Variants in PIBF1 observed in about 807,000 individuals in gnomAD.
The protein encoded by PIBF1 is progesterone-induced-blocking factor 1.
Under a neutral mutation model 112.5 loss-of-function variants are expected in PIBF1, and 90 were observed. The ratio of observed to expected loss-of-function variants is 0.80; its 90% CI spans 0.67 to 0.95. PIBF1 has a LOEUF of 0.95. Among genes scored for constraint, PIBF1 ranks in the 40% least tolerant of loss-of-function variants. The pLI is 0.00. For missense variants in PIBF1, 915 were observed against 852.3 expected (o/e 1.07, Z -0.92); for synonymous variants, 301 against 288.6 (o/e 1.04, Z -0.44).
chr13:72,941,720 G>A (rs1009542630), intron 14 of PIBF1, among the ~76,000 whole-genome samples: 3 of 152,142 alleles, frequency 2.0e-5, no homozygotes, highest in African/African-American at 2.4e-5. Flanking sequence ...GCGTCAAGGT[G>A]CATAGGTAAA....
At chr13:72,813,923 C>A (rs1251261826) in intron 5 of PIBF1, among the ~76,000 whole-genome samples, 1 of 152,116 alleles carries the variant, frequency 6.6e-6, no homozygotes, top group Non-Finnish European at 1.5e-5. Flanking sequence ...GAACCCTGAG[C>A]AAGAGCAGAA....
intron 17 of PIBF1, among the ~76,000 whole-genome samples, chr13:73,014,060 C>A (rs1291555585): frequency 3.3e-5 from 5 of 151,192 alleles, no homozygotes; most frequent in Non-Finnish European, 7.4e-5. Context: ...CCTCCCCTCC[C>A]CTCCACTCCC....
chr13:72,827,894 T>C lies in PIBF1; in HGVS notation c.1077T>C (p.Tyr359=). 1 of 1,576,728 alleles carries C rather than the reference T, an allele frequency of 6.3e-7. No individual in the cohort carries two copies. The highest frequency in any genetic ancestry group is 8.6e-7 in the Non-Finnish European group (1 of 1,160,930). ...GCAAAAAGGCTAGAGAAGAGATGTATGAAAAATATGTAGCATCCAGGCAAG... is the reference window on the plus strand; with the variant it reads ...GCAAAAAGGCTAGAGAAGAGATGTACGAAAAATATGTAGCATCCAGGCAAG... The part of the protein sequence containing the change: ...EESKKAREEM[Y]EKYVASRDHY... Residue 359 remains tyrosine (Y), a synonymous_variant, in exon 8 of 18, where the codon TAT becomes TAC. Transcript: ENST00000326291.
chr13:72,808,505 G>C (rs973371766), intron 5 of PIBF1, among the ~76,000 whole-genome samples: 2 of 152,150 alleles, frequency 1.3e-5, no homozygotes, highest in African/African-American at 4.8e-5. Context: ...ACCTCTAAAC[G>C]GTGGTGATGT....
At chr13:72,969,682 A>G (rs935598880) in intron 15 of PIBF1, 14 of 152,188 alleles carry the variant, frequency 9.2e-5, no homozygotes, top group African/African-American at 3.4e-4. Context: ...CTCGAAGCAA[A>G]TGGCATTTCA....
At position 72,914,388 on chromosome 13, in the gene PIBF1, A is replaced by C. The variant is rs191817196; in HGVS notation, c.1640-2688A>C. ...AAACTCATATTAGAAAAAAAAAACA[A>C]CCTAGATTTCTAGTTGTTAAATTCA... On this transcript the variant is annotated intron_variant, in intron 12 of 17. Transcript: ENST00000326291. 7.6e-4 allele frequency among the ~76,000 whole-genome samples: 115 copies of C among 152,264 alleles called. 2 individuals are homozygous for C. Among genetic ancestry groups the C allele is most frequent in the African/African-American group, 2.5e-3 (105 of 41,568 alleles).
intron 6 of PIBF1, among the ~76,000 whole-genome samples, chr13:72,825,268 A>G (rs2036750037): frequency 6.6e-6 from 1 of 152,188 alleles, no homozygotes; most frequent in Non-Finnish European, 1.5e-5. Flanking sequence ...TATTAGGGCT[A>G]AGTCTCCTGA....
chr13:72,818,782 G>T (rs1202915570), intron 5 of PIBF1, among the ~76,000 whole-genome samples: 4 of 136,476 alleles, frequency 2.9e-5, no homozygotes, highest in Non-Finnish European at 4.5e-5. Context: ...TTTTCTAGCT[G>T]AGCACTACTG....
rs1204888974 is a variant in PIBF1 at position 72,847,176 on chromosome 13, A to AT, written c.1224-6875dup. Among the ~76,000 whole-genome samples the AT allele has an allele frequency of 6.6e-5, 10 of 152,142 alleles. No individual in the cohort carries two copies. The East Asian group carries it at 1.2e-3, about 18-fold the overall frequency. ...AAATATTTTGCATTTTGGTACTTCAATTTTTTATAATTTTTCAACCATAAT... is the reference window on the plus strand; with the variant it reads ...AAATATTTTGCATTTTGGTACTTCAATTTTTTTATAATTTTTCAACCATAAT... On this transcript the variant is annotated intron_variant, in intron 9 of 17. Transcript: ENST00000326291.
intron 5 of PIBF1, among the ~76,000 whole-genome samples, chr13:72,801,162 T>G (rs181723124): frequency 6.6e-6 from 1 of 152,288 alleles, no homozygotes; most frequent in African/African-American, 2.4e-5. Context: ...ATACAGACTT[T>G]GATTTTAACC....
Position 72,785,250 on chromosome 13 carries a change from C to T in PIBF1, c.252+1529C>T, listed in dbSNP as rs539038872. Among the ~76,000 whole-genome samples, 6 of 152,296 alleles carry T rather than the reference C, an allele frequency of 3.9e-5. No individual in the cohort carries two copies. The East Asian group carries it at 9.6e-4, about 24-fold the overall frequency. The stretch of plus-strand genomic sequence containing the variant: ...AACATAGCATCCTTATCTGTTTCAT[C>T]CCTTTCATTTTCTGTGCCTTTTATG... On this transcript the variant is annotated intron_variant, in intron 2 of 17. Coordinates refer to ENST00000326291, the MANE Select transcript of PIBF1 (RefSeq NM_006346.4).
intron 9 of PIBF1, among the ~76,000 whole-genome samples, chr13:72,850,176 A>G (rs757058027): frequency 2.0e-5 from 3 of 152,186 alleles, no homozygotes; most frequent in Non-Finnish European, 2.9e-5. Context: ...TTACACAGAA[A>G]TGTTACCCAC....
At chr13:72,821,178 G>A (rs1536134) in intron 5 of PIBF1, among the ~76,000 whole-genome samples, 109,752 of 152,014 alleles carry the variant, frequency 0.72, 39,873 homozygotes, top group South Asian at 0.8. Context: ...AAGTGTGAAT[G>A]TTAGGAATGG....
intron 12 of PIBF1, among the ~76,000 whole-genome samples, chr13:72,909,364 G>A (rs1258197385): frequency 6.6e-6 from 1 of 152,002 alleles, no homozygotes; most frequent in African/African-American, 2.4e-5. Context: ...AGAGTAGCAA[G>A]ATAAATGCTA....
chr13:72,906,631 C>T (rs11840371), intron 11 of PIBF1, among the ~76,000 whole-genome samples: 29,654 of 151,902 alleles, frequency 0.2, 3,033 homozygotes, highest in Middle Eastern at 0.26. Flanking sequence ...GGAGATAGCC[C>T]ACATCAGTAG....
At chr13:73,003,686 A>G (rs1409542866) in intron 17 of PIBF1, among the ~76,000 whole-genome samples, 2 of 152,132 alleles carry the variant, frequency 1.3e-5, no homozygotes. Flanking sequence ...AAACAATAAT[A>G]TAAGGCAAAA....
At chr13:72,955,332 C>T (rs1415843460) in intron 14 of PIBF1, among the ~76,000 whole-genome samples, 1 of 151,444 alleles carries the variant, frequency 6.6e-6, no homozygotes, top group African/African-American at 2.4e-5. Flanking sequence ...TTAAATCATG[C>T]TTGTATAGGT....
At position 72,844,789 on chromosome 13, in the gene PIBF1, A is replaced by ACACG. The variant is rs1555296219; in HGVS notation, c.1224-9265_1224-9264insGCAC. On this transcript the variant is annotated intron_variant, in intron 9 of 17. Coordinates refer to ENST00000326291, the MANE Select transcript of PIBF1 (RefSeq NM_006346.4). ...CACACACACACACACACACACACAC[A>ACACG]CACACACACACGGATGAAGTCTTAC... Among the ~76,000 whole-genome samples the ACACG allele has an allele frequency of 4.2e-3, 506 of 119,616 alleles. 36 individuals carry two copies. The highest frequency in any genetic ancestry group is 0.017 in the African/African-American group (443 of 26,310). 78.5% of individuals were successfully genotyped at this position (119,616 alleles called of 152,430 possible). A position where few individuals can be genotyped will look rare whatever the true frequency, so the allele number is the denominator to read the frequency against.
At chr13:72,949,135 T>C (rs1350051829) in intron 14 of PIBF1, among the ~76,000 whole-genome samples, 2 of 152,136 alleles carry the variant, frequency 1.3e-5, no homozygotes, top group Non-Finnish European at 2.9e-5. Context: ...TACTGTAATA[T>C]ATGATATGAC....
Sources: gnomAD v4.1 joint callset for allele counts (sites outside exome capture counted in the v4.1 genomes callset) on GRCh38, gnomAD v4.1.1 for gene constraint, MANE v1.5 for transcripts, NCBI Gene and HGNC (gene_info 2026-07-23, HGNC 2026-07-21) for gene names.